SLC45A1: variants seen among roughly 807,000 people sequenced by gnomAD.
SLC45A1 encodes the protein solute carrier family 45 member 1, also known as proton-associated sugar transporter A.
SLC45A1 carries 28 observed loss-of-function variants against 57.6 expected under a neutral mutation model. That is an observed-to-expected ratio of 0.49 (90% confidence interval 0.36 to 0.67). SLC45A1 has a LOEUF of 0.67. Ranked by LOEUF, SLC45A1 falls within the 30% of genes least tolerant of loss-of-function variation. SLC45A1 has a pLI of 0.00. For synonymous variants in SLC45A1, 459 were observed against 471.5 expected (o/e 0.97, Z 0.34); for missense variants, 814 against 1,041.5 (o/e 0.78, Z 3.01).
chr1:8,337,577 C>T (rs1283307655), intron 6 of SLC45A1, among the ~76,000 whole-genome samples: 1 of 152,174 alleles, frequency 6.6e-6, no homozygotes, highest in African/African-American at 2.4e-5. Flanking sequence ...CACCACCATG[C>T]CTGGCTAATT....
chr1:8,324,310 G>A lies in SLC45A1; in HGVS notation c.-20G>A, dbSNP rs755521045. 5.6e-6 allele frequency: 9 copies of A among 1,605,400 alleles called. No homozygotes were observed. The highest frequency in any genetic ancestry group is 7.7e-6 in the Non-Finnish European group (9 of 1,175,036). On this transcript the variant is annotated 5_prime_UTR_variant, in exon 2 of 9. Transcript: ENST00000471889. ...CCCCACGGGCTTTCCTCACAGGGAC[G>A]CCCACCAGCCCTCCCCACGATGATC...
chr1:8,331,680 C>T (rs1340508756), intron 5 of SLC45A1, among the ~76,000 whole-genome samples: 6 of 152,152 alleles, frequency 3.9e-5, no homozygotes, highest in Admixed American at 2.6e-4. Context: ...TGACGTCTTC[C>T]CTTGCATGTT....
intron 1 of SLC45A1, among the ~76,000 whole-genome samples, chr1:8,322,941 G>A (rs1249822757): frequency 6.6e-6 from 1 of 151,980 alleles, no homozygotes; most frequent in African/African-American, 2.4e-5. Flanking sequence ...TTCTCTCCTT[G>A]TGCTTATACA....
intron 5 of SLC45A1, among the ~76,000 whole-genome samples, chr1:8,331,138 G>A (rs529954394): frequency 1.3e-5 from 2 of 152,316 alleles, no homozygotes; most frequent in Non-Finnish European, 1.5e-5. Context: ...CACTTTAGGA[G>A]GCTAAGGCAG....
intron 1 of SLC45A1, among the ~76,000 whole-genome samples, chr1:8,320,633 CTCTG>C (rs59588975): frequency 7.3e-4 from 110 of 151,552 alleles, no homozygotes; most frequent in African/African-American, 2.2e-3. Context: ...TAGAGGGAGA[CTCTG>C]TCTGTCTGTC....
intron 5 of SLC45A1, among the ~76,000 whole-genome samples, chr1:8,334,916 C>T (rs570218468): frequency 1.1e-4 from 16 of 152,240 alleles, no homozygotes; most frequent in African/African-American, 2.9e-4. Context: ...TGGGGCGTGT[C>T]GTGTGCTCTC....
chr1:8,341,550 A>G (rs1253535885), intron 8 of SLC45A1, among the ~76,000 whole-genome samples: 3 of 88,968 alleles, frequency 3.4e-5, no homozygotes, highest in Non-Finnish European at 6.3e-5. Flanking sequence ...AAAAGATAGT[A>G]ATACTTTGAA....
chr1:8,319,879 G>C (rs867436728), intron 1 of SLC45A1, among the ~76,000 whole-genome samples: 1 of 152,072 alleles, frequency 6.6e-6, no homozygotes, highest in Non-Finnish European at 1.5e-5. Context: ...ACCATGCCCA[G>C]CTAATTTTTT....
chr1:8,334,680 G>T (rs1459579870), intron 5 of SLC45A1, among the ~76,000 whole-genome samples: 5 of 152,116 alleles, frequency 3.3e-5, no homozygotes, highest in Non-Finnish European at 7.3e-5. Context: ...TCCAGCCCAG[G>T]CGACAGAGCG....
chr1:8,342,742 A>G (rs1271406991), intron 8 of SLC45A1, among the ~76,000 whole-genome samples: 1 of 152,076 alleles, frequency 6.6e-6, no homozygotes, highest in Non-Finnish European at 1.5e-5. Context: ...AAAAAATAAA[A>G]TTAAAAATTA....
rs966224044 is a variant in SLC45A1, at chr1:8,327,097, C to T, written c.715+1055C>T. ...GATCACGCACCCTTGGAAGCACAGGCGTTGTGCTGTTCTGTGCAAATCCTT... is the reference window on the plus strand; with the variant it reads ...GATCACGCACCCTTGGAAGCACAGGTGTTGTGCTGTTCTGTGCAAATCCTT... On this transcript the variant is annotated intron_variant, in intron 4 of 8. Transcript: ENST00000471889. This position sits in a 1 kb window ranked among gnomAD's most constrained non-coding sequence, Gnocchi z 4.3. Among the ~76,000 whole-genome samples the T allele has an allele frequency of 2.6e-5, 4 of 152,232 alleles. No homozygotes were observed. Among genetic ancestry groups the T allele is most frequent in the African/African-American group, 9.6e-5 (4 of 41,466 alleles).
rs572522476 is a variant in SLC45A1, at chr1:8,343,043, G to A, written c.1981-704G>A. Reference sequence around the variant, plus strand: ...ATTTGTTTTAGGGAGTTTGGAGTCTGACAAGTTCAGCTGGGCTGGCCCTGA... The same window carrying A: ...ATTTGTTTTAGGGAGTTTGGAGTCTAACAAGTTCAGCTGGGCTGGCCCTGA... On this transcript the variant is annotated intron_variant, in intron 8 of 8. Transcript: ENST00000471889. The surrounding 1 kb of genome is among the most constrained non-coding windows in gnomAD (Gnocchi z 7.7). Among the ~76,000 whole-genome samples the A allele has an allele frequency of 6.6e-5, 10 of 152,350 alleles. No individual in the cohort carries two copies. Among genetic ancestry groups the A allele is most frequent in the African/African-American group, 1.9e-4 (8 of 41,586 alleles).
At chr1:8,318,307 C>G (rs1639886983) in intron 1 of SLC45A1, 121 bp downstream of exon 1, 3 of 396,624 alleles carry the variant, frequency 7.6e-6, no homozygotes, top group Non-Finnish European at 1.4e-5. Context: ...GGCACGGAGA[C>G]CTTTGTTCCT....
rs1640589192 is a variant in SLC45A1 at position 8,335,705 on chromosome 1, GC to G, written c.1597+120del. 2.5e-6 allele frequency: 3 copies of G among 1,215,330 alleles called. No homozygotes were observed. The highest frequency in any genetic ancestry group is 1.5e-5 in the African/African-American group (1 of 64,568). The allele number at this position is 1,215,330 out of a possible 1,614,324, so 75.3% of individuals were successfully genotyped here. On this transcript the variant is annotated intron_variant, in intron 6 of 8. Coordinates refer to ENST00000471889, the MANE Select transcript of SLC45A1 (RefSeq NM_001080397.3). The surrounding 1 kb of genome is among the most constrained non-coding windows in gnomAD (Gnocchi z 4.1). ...TCCCAGAACCTTTCTGAGTTCACCA[GC>G]CCCCAACAACAGCACCAAGGGCAGG...
At chr1:8,318,240 G>A (rs979412107) in intron 1 of SLC45A1, 54 bp downstream of exon 1, 2 of 413,134 alleles carry the variant, frequency 4.8e-6, no homozygotes, top group Non-Finnish European at 8.9e-6. Context: ...GTGCCTGCCG[G>A]GGCGCCGCGC....
At chr1:8,339,428 A>T in intron 7 of SLC45A1, 65 bp from the exon 8 acceptor site, 1 of 1,531,538 alleles carries the variant, frequency 6.5e-7, no homozygotes, top group Non-Finnish European at 9.0e-7. Flanking sequence ...GGGAGGTGGC[A>T]CTGGAAGCTG....
rs549785752 is a variant in SLC45A1, at chr1:8,344,039, C to T, written c.*26C>T. 11 of 1,582,084 alleles carry T rather than the reference C, an allele frequency of 7.0e-6. No individual in the cohort carries two copies. The highest frequency in any genetic ancestry group is 6.7e-5 in the African/African-American group (5 of 74,306). ...CATCGCGGAGCCTCGACTCCGGACA[C>T]GCGCCTGCACCTGGGGGTCTGGAGC... On this transcript the variant is annotated 3_prime_UTR_variant, in exon 9 of 9. Coordinates refer to ENST00000471889, the MANE Select transcript of SLC45A1 (RefSeq NM_001080397.3).
At position 8,335,565 on chromosome 1, in the gene SLC45A1, C is replaced by T. The variant is rs1640582551; in HGVS notation, c.1572C>T (p.Arg524=). Residue 524 remains arginine (R), a synonymous_variant, in exon 6 of 9, where the codon CGC becomes CGT. Transcript: ENST00000471889. This position sits in a 1 kb window ranked among gnomAD's most constrained non-coding sequence, Gnocchi z 4.1. Reference sequence around the variant, plus strand: ...TCTGCAACATGCCCAAGGCGCTACGCACCCTCTGCGTCAACCACTTCCTGG... The same window carrying T: ...TCTGCAACATGCCCAAGGCGCTACGTACCCTCTGCGTCAACCACTTCCTGG... ...STICNMPKAL[R]TLCVNHFLGW... The T allele has an allele frequency of 3.1e-6, 5 of 1,605,968 alleles. No individual in the cohort carries two copies. In the Admixed American group the frequency reaches 5.0e-5, roughly 16 times the overall value.
Position 8,325,981 on chromosome 1 carries a change from G to T in SLC45A1, c.654G>T (p.Met218Ile), listed in dbSNP as rs751241221. ...CGGACAACCCCAGCCACGCCTACAT[G>T]ATGGACGTGTGCAGCCCCGCAGACC... ...DSADNPSHAY[M>I]MDVCSPADQD... The change falls in exon 4 of 9, where the codon ATG becomes ATT. Residue 218 changes from methionine (M) to isoleucine (I), a missense_variant. Transcript: ENST00000471889. This position sits in a 1 kb window ranked among gnomAD's most constrained non-coding sequence, Gnocchi z 6.3. 2 of 1,611,970 alleles carry T rather than the reference G, an allele frequency of 1.2e-6. No homozygotes were observed.
Sources: gnomAD v4.1 joint callset for allele counts (sites outside exome capture counted in the v4.1 genomes callset) on GRCh38, gnomAD v4.1.1 for gene constraint, Gnocchi (gnomAD v3.1) non-coding constraint, MANE v1.5 for transcripts, NCBI Gene and HGNC (gene_info 2026-07-23, HGNC 2026-07-21) for gene names.